Variants in HEXB observed in about 807,000 individuals in gnomAD.
HEXB encodes the protein hexosaminidase subunit beta.
Under a neutral mutation model 71.2 loss-of-function variants are expected in HEXB, and 51 were observed. The ratio of observed to expected loss-of-function variants is 0.72; its 90% CI spans 0.57 to 0.90. The LOEUF is 0.90. Among genes scored for constraint, HEXB ranks in the 40% least tolerant of loss-of-function variants. HEXB has a pLI of 0.00. For synonymous variants in HEXB, 266 were observed against 249.3 expected (o/e 1.07, Z -0.63); for missense variants, 617 against 677.0 (o/e 0.91, Z 0.98).
intron 1 of HEXB, among the ~76,000 whole-genome samples, chr5:74,659,358 T>C (rs1748276567): frequency 6.6e-6 from 1 of 152,166 alleles, no homozygotes; most frequent in Non-Finnish European, 1.5e-5. Flanking sequence ...TGAAACACGC[T>C]GGACAGCACA....
intron 1 of HEXB, among the ~76,000 whole-genome samples, chr5:74,670,732 C>T (rs6453071): frequency 0.47 from 72,154 of 152,054 alleles, 17,378 homozygotes; most frequent in African/African-American, 0.55. Context: ...TGCACCTGCC[C>T]GGGCGCCACT....
At chr5:74,693,570 T>C (rs1749047519) in intron 2 of HEXB, 69 bp from the exon 3 acceptor site, 1 of 1,081,334 alleles carries the variant, frequency 9.2e-7, no homozygotes, top group African/African-American at 1.5e-5. Context: ...ATGACATGTT[T>C]AGGAAACTTA....
chr5:74,700,167 C>T (rs898895423), intron 5 of HEXB, among the ~76,000 whole-genome samples: 31 of 151,226 alleles, frequency 2.0e-4, no homozygotes, highest in Admixed American at 4.0e-4. Context: ...CCACCACACC[C>T]GGCTAATTTT....
exon 1 of HEXB, chr5:74,640,460 C>G (rs1303830787): frequency 1.3e-5 from 2 of 152,294 alleles, no homozygotes; most frequent in Non-Finnish European, 2.9e-5. Context: ...CGAACGATGG[C>G]TCGCGGACCG....
intron 5 of HEXB, 33 bp from the exon 6 acceptor site, chr5:74,705,186 C>A: frequency 1.7e-6 from 2 of 1,153,104 alleles, no homozygotes; most frequent in Non-Finnish European, 2.6e-6. Context: ...ATGATATCTG[C>A]AGTAAATAAT....
At chr5:74,711,750 T>G (rs374786879) in intron 6 of HEXB, among the ~76,000 whole-genome samples, 22,024 of 151,366 alleles carry the variant, frequency 0.15, 1,819 homozygotes, top group African/African-American at 0.22. Flanking sequence ...TCTCACACCA[T>G]TTAGAATGGC....
chr5:74,721,220 C>A lies in HEXB; in HGVS notation c.*45C>A. On this transcript the variant is annotated 3_prime_UTR_variant, in exon 14 of 14. Coordinates refer to ENST00000261416, the MANE Select transcript of HEXB (RefSeq NM_000521.4). Reference sequence around the variant, plus strand: ...CCACAGCAATCTGTACTACAATCAACTTTATTTTGAAATCATGTAAAATAA... The same window carrying A: ...CCACAGCAATCTGTACTACAATCAAATTTATTTTGAAATCATGTAAAATAA... 1 of 1,405,168 alleles carries A rather than the reference C, an allele frequency of 7.1e-7. No homozygotes were observed. The highest frequency in any genetic ancestry group is 1.0e-6 in the Non-Finnish European group (1 of 989,962). The allele number at this position is 1,405,168 out of a possible 1,614,324, so 87.0% of individuals were successfully genotyped here.
intron 1 of HEXB, among the ~76,000 whole-genome samples, chr5:74,686,897 G>A (rs1410082424): frequency 1.3e-5 from 2 of 152,234 alleles, no homozygotes; most frequent in East Asian, 3.8e-4. Flanking sequence ...AGTTCAGCTT[G>A]TAGAATTGGA....
chr5:74,696,016 T>C (rs1478265140), intron 3 of HEXB, among the ~76,000 whole-genome samples: 1 of 152,172 alleles, frequency 6.6e-6, no homozygotes, highest in Non-Finnish European at 1.5e-5. Flanking sequence ...CTTCCCAGCA[T>C]GAACCTGTAC....
intron 3 of HEXB, among the ~76,000 whole-genome samples, chr5:74,695,751 G>A (rs2112139463): frequency 6.7e-6 from 1 of 149,628 alleles, no homozygotes; most frequent in South Asian, 2.1e-4. Context: ...TGAGGCAGGA[G>A]AAGTACTTGA....
At chr5:74,671,773 A>G (rs1748544987) in intron 1 of HEXB, among the ~76,000 whole-genome samples, 1 of 152,162 alleles carries the variant, frequency 6.6e-6, no homozygotes, top group African/African-American at 2.4e-5. Context: ...CAAAACTCAA[A>G]CACTGATATT....
Position 74,715,716 on chromosome 5 carries a change from TA to T in HEXB, c.1082+40del, listed in dbSNP as rs373945141. The T allele has an allele frequency of 0.15, 163,658 of 1,073,312 alleles. No homozygotes were observed. Among genetic ancestry groups the T allele is most frequent in the South Asian group, 0.19 (12,300 of 63,552 alleles). 66.5% of individuals were successfully genotyped at this position (1,073,312 alleles called of 1,614,324 possible). ...GTAAGATGATTCCTTAAAACCCCTT[TA>T]AAAAAAAAAAAAAGAGAGGCTGGGT... On this transcript the variant is annotated intron_variant, in intron 8 of 13. Transcript: ENST00000261416.
chr5:74,659,329 G>A (rs1380324258), intron 1 of HEXB, among the ~76,000 whole-genome samples: 1 of 152,162 alleles, frequency 6.6e-6, no homozygotes, highest in Non-Finnish European at 1.5e-5. Context: ...CATGGTCAGG[G>A]CCAGGAGCAC....
At position 74,716,656 on chromosome 5, in the gene HEXB, A is replaced by C. The variant is rs1749679416; in HGVS notation, c.1152A>C (p.Glu384Asp). The change falls in exon 9 of 14, where the codon GAA becomes GAC. Residue 384 changes from glutamate (E) to aspartate (D), a missense_variant. By Grantham distance (45) the Glu-to-Asp change is conservative. Transcript: ENST00000261416. Reference protein sequence around the residue: ...KGFGTDFKKLESFYIQKVLDI... With the variant: ...KGFGTDFKKLDSFYIQKVLDI... ...TTGGCACAGATTTTAAGAAACTAGA[A>C]TCTTTCTACATTCAAAAGTAAGTTG... is the stretch of plus-strand genomic sequence containing the variant. 1 of 1,599,850 alleles carries C rather than the reference A, an allele frequency of 6.3e-7. No individual in the cohort carries two copies.
intron 9 of HEXB, 71 bp downstream of exon 9, chr5:74,716,744 T>G (rs1417360439): frequency 9.1e-6 from 9 of 987,264 alleles, no homozygotes; most frequent in Non-Finnish European, 1.4e-5. Flanking sequence ...GTGCTTTATT[T>G]TTTACATTTT....
chr5:74,664,957 T>C (rs1359307564), intron 1 of HEXB, among the ~76,000 whole-genome samples: 1 of 152,164 alleles, frequency 6.6e-6, no homozygotes, highest in Non-Finnish European at 1.5e-5. Context: ...AGAAGCGCAT[T>C]TGGGACAGTG....
chr5:74,679,019 C>T (rs949949102), intron 1 of HEXB, among the ~76,000 whole-genome samples: 1 of 152,218 alleles, frequency 6.6e-6, no homozygotes, highest in East Asian at 1.9e-4. Flanking sequence ...GATACTCATA[C>T]ACTGTTGCCG....
intron 1 of HEXB, among the ~76,000 whole-genome samples, chr5:74,643,553 CAA>C (rs1300951751): frequency 6.6e-6 from 1 of 152,158 alleles, no homozygotes; most frequent in African/African-American, 2.4e-5. Flanking sequence ...GACATCAAAC[CAA>C]AGTCTCATTT....
intron 1 of HEXB, among the ~76,000 whole-genome samples, chr5:74,667,550 TAGTC>T (rs1374710738): frequency 6.6e-6 from 1 of 152,106 alleles, no homozygotes; most frequent in Non-Finnish European, 1.5e-5. Context: ...ACCACAGAAT[TAGTC>T]AGTTTTCAAG....
Sources: allele counts gnomAD v4.1 joint callset (sites outside exome capture counted in the v4.1 genomes callset), GRCh38; gene constraint gnomAD v4.1.1; transcripts MANE v1.5; gene names NCBI Gene and HGNC (gene_info 2026-07-23, HGNC 2026-07-21).